TENM3: variants seen among roughly 807,000 people sequenced by gnomAD.
The protein encoded by TENM3 is teneurin transmembrane protein 3, also known as teneurin-3.
A neutral mutation model predicts 255.1 loss-of-function variants in TENM3; 63 were observed. The observed-to-expected ratio is 0.25, with a 90% CI of 0.20 to 0.30. The LOEUF (loss-of-function observed/expected upper bound fraction) is 0.30, where lower values mean the gene tolerates loss of function less well. Among genes scored for constraint, TENM3 ranks in the 10% least tolerant of loss-of-function variants. The probability of loss-of-function intolerance (pLI) is 1.00; values close to 1 mark genes in which losing one functional copy is unlikely to be tolerated. For missense variants in TENM3, 2,929 were observed against 3,461.1 expected (o/e 0.85, Z 3.86); for synonymous variants, 1,306 against 1,322.3 (o/e 0.99, Z 0.27).
the TENM3 span, among the ~76,000 whole-genome samples, chr4:181,551,880 GTGTGTGTGTA>G: frequency 2.5e-3 from 112 of 45,306 alleles, no homozygotes; most frequent in African/African-American, 6.9e-3. Flanking sequence ...GTGTGTGTGT[GTGTGTGTGTA>G]TATAAATTTT....
chr4:182,031,903 G>A, the TENM3 span, among the ~76,000 whole-genome samples: 1 of 152,124 alleles, frequency 6.6e-6, no homozygotes, highest in African/African-American at 2.4e-5. Context: ...CATTGATTTT[G>A]TATCCTGAGA....
chr4:182,686,346 T>A (rs1216467655), intron 11 of TENM3, among the ~76,000 whole-genome samples: 1 of 152,142 alleles, frequency 6.6e-6, no homozygotes, highest in Non-Finnish European at 1.5e-5. Flanking sequence ...TGGTCTTGTG[T>A]ACCTCAAATT....
At chr4:181,470,108 TAAA>T in the TENM3 span, among the ~76,000 whole-genome samples, 1 of 112,740 alleles carries the variant, frequency 8.9e-6, no homozygotes, top group Non-Finnish European at 1.9e-5. Context: ...ATAGCTTCTG[TAAA>T]AAAAAAAAAA....
At chr4:182,681,472 C>T (rs1756170796) in intron 10 of TENM3, among the ~76,000 whole-genome samples, 1 of 152,160 alleles carries the variant, frequency 6.6e-6, no homozygotes, top group Non-Finnish European at 1.5e-5. Context: ...GCTGTCAGTA[C>T]TCAGTGGTCA....
chr4:182,553,427 C>T (rs535195706), intron 3 of TENM3, among the ~76,000 whole-genome samples: 2 of 151,076 alleles, frequency 1.3e-5, no homozygotes, highest in Admixed American at 1.3e-4. Context: ...ATACCTAATG[C>T]TACATGACGA....
the TENM3 span, among the ~76,000 whole-genome samples, chr4:181,816,566 G>T: frequency 6.6e-6 from 1 of 152,142 alleles, no homozygotes; most frequent in Non-Finnish European, 1.5e-5. Flanking sequence ...TATGACCACT[G>T]TACCTCCATC....
intron 6 of TENM3, among the ~76,000 whole-genome samples, chr4:182,655,642 G>A (rs749326184): frequency 1.3e-5 from 2 of 152,292 alleles, no homozygotes; most frequent in African/African-American, 2.4e-5. Context: ...AAATTTTAGG[G>A]CAGCTGTGGA....
chr4:181,927,209 T>A, the TENM3 span, among the ~76,000 whole-genome samples: 1 of 152,092 alleles, frequency 6.6e-6, no homozygotes. Context: ...AGCCAAGTGG[T>A]CTACCATCCA....
At chr4:181,574,302 C>A in the TENM3 span, among the ~76,000 whole-genome samples, 1 of 151,852 alleles carries the variant, frequency 6.6e-6, no homozygotes, top group South Asian at 2.1e-4. Context: ...GAGGCCGAGG[C>A]GGGTGGATCA....
the TENM3 span, among the ~76,000 whole-genome samples, chr4:182,048,662 G>C: frequency 2.6e-5 from 4 of 152,084 alleles, no homozygotes; most frequent in African/African-American, 9.7e-5. Context: ...TTTTACATAT[G>C]TACCATTCAA....
At chr4:182,791,553 AT>A (rs1766104293) in intron 25 of TENM3, among the ~76,000 whole-genome samples, 1 of 152,336 alleles carries the variant, frequency 6.6e-6, no homozygotes, top group East Asian at 1.9e-4. Flanking sequence ...AACCATCCTT[AT>A]TGCTCCTGAG....
intron 5 of TENM3, among the ~76,000 whole-genome samples, chr4:182,649,820 T>C (rs1753092450): frequency 6.6e-6 from 1 of 150,388 alleles, no homozygotes; most frequent in Non-Finnish European, 1.5e-5. Context: ...TCTTTGGATG[T>C]AGTAGAGAAG....
chr4:182,712,565 A>G (rs756440229), intron 12 of TENM3, among the ~76,000 whole-genome samples: 23 of 152,214 alleles, frequency 1.5e-4, no homozygotes, highest in Admixed American at 1.3e-3. Context: ...GATGGTATCC[A>G]TAAGTGTAAT....
At chr4:181,579,979 AT>A in the TENM3 span, among the ~76,000 whole-genome samples, 170 of 115,862 alleles carry the variant, frequency 1.5e-3, no homozygotes, top group Non-Finnish European at 2.0e-3. Flanking sequence ...ATTTTATTTT[AT>A]TTTATTTTAT....
At chr4:181,575,967 G>T in the TENM3 span, among the ~76,000 whole-genome samples, 1 of 151,136 alleles carries the variant, frequency 6.6e-6, no homozygotes, top group African/African-American at 2.5e-5. Flanking sequence ...TAGGTTTTTT[G>T]TATAAATTCA....
At chr4:182,511,079 G>C (rs62337220) in intron 3 of TENM3, among the ~76,000 whole-genome samples, 11,615 of 152,202 alleles carry the variant, frequency 0.076, 506 homozygotes, top group East Asian at 0.11. Context: ...GCCTGCCAGA[G>C]TTGGGGAACA....
chr4:181,553,263 G>GTA, the TENM3 span, among the ~76,000 whole-genome samples: 1 of 51,256 alleles, frequency 2.0e-5, no homozygotes, highest in Admixed American at 2.0e-4. Context: ...GTCATTAAGT[G>GTA]TGTGTGTGTG....
At chr4:182,065,456 A>C in the TENM3 span, among the ~76,000 whole-genome samples, 1 of 152,224 alleles carries the variant, frequency 6.6e-6, no homozygotes, top group South Asian at 2.1e-4. Context: ...AAGGGGGAGC[A>C]CGCGCGTCAC....
the TENM3 span, chr4:181,906,304 T>C: frequency 1.2e-5 from 2 of 172,470 alleles, no homozygotes; most frequent in African/African-American, 4.8e-5. Context: ...AAATTTACGT[T>C]GCTGTATAAA....
Sources: gnomAD v4.1 joint callset for allele counts (sites outside exome capture counted in the v4.1 genomes callset) on GRCh38, gnomAD v4.1.1 for gene constraint, MANE v1.5 for transcripts, NCBI Gene and HGNC (gene_info 2026-07-23, HGNC 2026-07-21) for gene names.